Variants in CCNJL observed in about 807,000 individuals in gnomAD.
The protein encoded by CCNJL is cyclin J like.
A neutral mutation model predicts 33.4 loss-of-function variants in CCNJL; 33 were observed. The observed-to-expected ratio is 0.99, with a 90% CI of 0.75 to 1.32. The LOEUF (loss-of-function observed/expected upper bound fraction) is 1.32, where lower values mean the gene tolerates loss of function less well. Ranked by LOEUF, CCNJL falls within the 40% of genes most tolerant of loss-of-function variation. The pLI, the probability that CCNJL is intolerant of heterozygous loss-of-function variation, is 0.00. For synonymous variants in CCNJL, 227 were observed against 220.9 expected (o/e 1.03, Z -0.24); for missense variants, 512 against 499.7 (o/e 1.02, Z -0.23).
intron 2 of CCNJL, among the ~76,000 whole-genome samples, chr5:160,302,150 A>G (rs1762944920): frequency 6.6e-6 from 1 of 152,218 alleles, no homozygotes; most frequent in African/African-American, 2.4e-5. Context: ...TTATACTTCA[A>G]TTTTTAAAAA....
intron 3 of CCNJL, chr5:160,260,931 C>T (rs905036476): frequency 6.6e-5 from 10 of 152,308 alleles, no homozygotes; most frequent in African/African-American, 2.2e-4. Context: ...GGCCTGGCCT[C>T]GGTCTGTTCA....
chr5:160,321,050 CTTTCTTTCTTTCTTTCTTTCTT>C (rs1763452708), intron 1 of CCNJL, among the ~76,000 whole-genome samples: 1 of 115,492 alleles, frequency 8.7e-6, no homozygotes, highest in African/African-American at 4.6e-5. Flanking sequence ...TTCTTTCTTT[CTTTCTTTCTTTCTTTCTTTCTT>C]TCTTTCTTTC....
chr5:160,337,891 A>C (rs1763703048), intron 1 of CCNJL, among the ~76,000 whole-genome samples: 1 of 152,210 alleles, frequency 6.6e-6, no homozygotes, highest in African/African-American at 2.4e-5. Flanking sequence ...ACTACAGATC[A>C]CACACATACT....
chr5:160,315,843 T>C (rs1474850047), upstream of CCNJL, among the ~76,000 whole-genome samples: 1 of 152,222 alleles, frequency 6.6e-6, no homozygotes, highest in African/African-American at 2.4e-5. Context: ...TGTTGTTTTG[T>C]TTTGTTTTTC....
chr5:160,255,402 C>A (rs1761015666), intron 5 of CCNJL, 147 bp downstream of exon 5: 2 of 648,368 alleles, frequency 3.1e-6, no homozygotes, highest in Non-Finnish European at 5.4e-6. Flanking sequence ...TACCAGGAGT[C>A]ACCATGGCCC....
At chr5:160,282,969 A>ATATATATATATATATG in intron 2 of CCNJL, among the ~76,000 whole-genome samples, 1 of 23,266 alleles carries the variant, frequency 4.3e-5, no homozygotes, top group Non-Finnish European at 7.0e-5. Flanking sequence ...TCCTTGGAAT[A>ATATATATATATATATG]TATATATATA....
chr5:160,259,425 TG>T (rs1373788711), intron 4 of CCNJL, 43 bp downstream of exon 4: 1 of 1,551,548 alleles, frequency 6.4e-7, no homozygotes, highest in South Asian at 1.2e-5. Context: ...CCCTGGGTGG[TG>T]GGGAAGGGGT....
chr5:160,307,756 A>T (rs931268324), intron 2 of CCNJL, among the ~76,000 whole-genome samples: 94 of 152,148 alleles, frequency 6.2e-4, no homozygotes, highest in Non-Finnish European at 1.1e-3. Flanking sequence ...GAGGAGCTGA[A>T]GGGAGCGGGG....
chr5:160,283,743 T>C (rs1762319678), intron 2 of CCNJL, among the ~76,000 whole-genome samples: 1 of 152,192 alleles, frequency 6.6e-6, no homozygotes, highest in African/African-American at 2.4e-5. Flanking sequence ...TTTGTACCCA[T>C]TAACCATCCC....
At chr5:160,269,960 T>G (rs1478915381) in intron 3 of CCNJL, among the ~76,000 whole-genome samples, 2 of 152,210 alleles carry the variant, frequency 1.3e-5, no homozygotes, top group Admixed American at 6.5e-5. Flanking sequence ...ACAGCCTACC[T>G]TATAGAATTG....
chr5:160,254,616 G>A (rs904101497), intron 5 of CCNJL: 3 of 336,538 alleles, frequency 8.9e-6, no homozygotes, highest in Non-Finnish European at 1.6e-5. Flanking sequence ...AGTCAGTCAG[G>A]CCAGCACCCA....
chr5:160,304,712 G>T (rs999327907), intron 2 of CCNJL, among the ~76,000 whole-genome samples: 1 of 152,124 alleles, frequency 6.6e-6, no homozygotes, highest in African/African-American at 2.4e-5. Context: ...TCCCTTGAGG[G>T]ATGCAGAAAT....
intron 3 of CCNJL, among the ~76,000 whole-genome samples, chr5:160,263,964 G>C (rs1295291634): frequency 1.4e-5 from 2 of 139,124 alleles, no homozygotes; most frequent in South Asian, 2.4e-4. Flanking sequence ...TTTTTTTTGA[G>C]ATAGGGTCTC....
intron 2 of CCNJL, among the ~76,000 whole-genome samples, chr5:160,302,254 C>T (rs17407520): frequency 0.26 from 39,880 of 151,822 alleles, 5,401 homozygotes; most frequent in Non-Finnish European, 0.28. Context: ...TGCAGAAGGA[C>T]AGAAAATGAC....
intron 1 of CCNJL, among the ~76,000 whole-genome samples, chr5:160,320,796 T>TC (rs1267923623): frequency 2.4e-5 from 1 of 42,020 alleles, no homozygotes; most frequent in Admixed American, 2.3e-4. Flanking sequence ...TTCCTTTCTT[T>TC]CTTTCTTTCT....
rs1185598331 is a variant in CCNJL at position 160,311,863 on chromosome 5, C to G, written c.61G>C (p.Glu21Gln). 6.2e-7 allele frequency: 1 copy of G among 1,613,968 alleles called. No individual in the cohort carries two copies. Among genetic ancestry groups the G allele is most frequent in the Non-Finnish European group, 8.5e-7 (1 of 1,179,914 alleles). ...AAGGGCAGGGAGGGACTGACCTTCTCGCGCAGGGTGCAGTGGACGTCCGAG... is the reference window on the plus strand; with the variant it reads ...AAGGGCAGGGAGGGACTGACCTTCTGGCGCAGGGTGCAGTGGACGTCCGAG... Reference protein sequence around the residue: ...VASDVHCTLREKELKLPTFRA... With the variant: ...VASDVHCTLRQKELKLPTFRA... Residue 21 changes from glutamate to glutamine, a missense_variant, in exon 2 of 6, where the codon GAG becomes CAG. Coordinates refer to ENST00000257536, the MANE Select transcript of CCNJL (RefSeq NM_001308173.3).
At chr5:160,310,299 T>G (rs561175261) in intron 2 of CCNJL, among the ~76,000 whole-genome samples, 1 of 152,296 alleles carries the variant, frequency 6.6e-6, no homozygotes, top group East Asian at 1.9e-4. Flanking sequence ...CTTGTCCAGA[T>G]GCCTAGAATG....
intron 1 of CCNJL, among the ~76,000 whole-genome samples, chr5:160,320,996 T>TTC (rs138268750): frequency 0.011 from 1,042 of 97,096 alleles, 71 homozygotes; most frequent in Middle Eastern, 0.022. Context: ...CTTTCTTTCT[T>TTC]TCTCTCTCTC....
chr5:160,314,915 T>C (rs1413971233), upstream of CCNJL, among the ~76,000 whole-genome samples: 1 of 152,196 alleles, frequency 6.6e-6, no homozygotes, highest in Non-Finnish European at 1.5e-5. Context: ...ACAGTGTTGT[T>C]GGGAATATAA....
Sources: gnomAD v4.1 joint callset for allele counts (sites outside exome capture counted in the v4.1 genomes callset) on GRCh38, gnomAD v4.1.1 for gene constraint, MANE v1.5 for transcripts, NCBI Gene and HGNC (gene_info 2026-07-23, HGNC 2026-07-21) for gene names.